The following RAB3IP variants were observed in gnomAD, a reference collection of about 807,000 sequenced individuals.
The protein encoded by RAB3IP is rab-3A-interacting protein.
In RAB3IP, 36 loss-of-function variants were observed where a neutral mutation model predicts 59.1. The ratio of observed to expected loss-of-function variants is 0.61; its 90% CI spans 0.47 to 0.80. The LOEUF (loss-of-function observed/expected upper bound fraction) is 0.80, where lower values mean the gene tolerates loss of function less well. RAB3IP is among the 30% of genes least tolerant of loss of function. The probability of loss-of-function intolerance (pLI) is 0.00; values close to 1 mark genes in which losing one functional copy is unlikely to be tolerated. For synonymous variants in RAB3IP, 207 were observed against 191.2 expected (o/e 1.08, Z -0.68); for missense variants, 511 against 536.0 (o/e 0.95, Z 0.46).
At chr12:69,771,863 G>A (rs1873177178) in intron 3 of RAB3IP, among the ~76,000 whole-genome samples, 1 of 152,114 alleles carries the variant, frequency 6.6e-6, no homozygotes, top group African/African-American at 2.4e-5. Context: ...ATACCTCATG[G>A]TGGTTTTGAT....
intron 4 of RAB3IP, among the ~76,000 whole-genome samples, chr12:69,791,046 G>T (rs972778532): frequency 8.5e-5 from 13 of 152,152 alleles, no homozygotes; most frequent in African/African-American, 3.1e-4. Context: ...ACACATTTTT[G>T]GTTAGCTGAC....
intron 8 of RAB3IP, among the ~76,000 whole-genome samples, chr12:69,803,994 A>G (rs1291298988): frequency 1.3e-5 from 2 of 152,192 alleles, no homozygotes; most frequent in Non-Finnish European, 2.9e-5. Context: ...CATGATTTAT[A>G]GTCCTTTGGG....
intron 3 of RAB3IP, among the ~76,000 whole-genome samples, chr12:69,758,423 T>A (rs1870573356): frequency 6.6e-6 from 1 of 152,218 alleles, no homozygotes; most frequent in Admixed American, 6.5e-5. Flanking sequence ...TAATTCTGTA[T>A]TTTTAAAACA....
Position 69,820,600 on chromosome 12 carries a change from T to G in RAB3IP, c.*5154T>G, listed in dbSNP as rs976688709. The G allele has an allele frequency of 4.0e-4, 60 of 149,316 alleles. 1 individual carries two copies. The highest frequency in any genetic ancestry group is 1.4e-3 in the African/African-American group (56 of 40,202). The allele number at this position is 149,316 out of a possible 1,614,324, so 9.2% of individuals were successfully genotyped here. ...CTGGCCAGGTGCGATGGCTCATGCC[T>G]GTAATCCCAGCACTTTGGGAGGCCG... On this transcript the variant is annotated 3_prime_UTR_variant, in exon 11 of 11. Coordinates refer to ENST00000247833, the MANE Select transcript of RAB3IP (RefSeq NM_022456.5).
chr12:69,806,962 C>T (rs1355671914), intron 8 of RAB3IP, among the ~76,000 whole-genome samples: 2 of 152,208 alleles, frequency 1.3e-5, no homozygotes, highest in Non-Finnish European at 2.9e-5. Context: ...AAAATGGAGT[C>T]TCCTATGTCT....
In RAB3IP at chr12:69,816,002, C is replaced by T. The variant is rs773247123; in HGVS notation, c.*556C>T. 1 of 152,598 alleles carries T rather than the reference C, an allele frequency of 6.6e-6. No individual in the cohort carries two copies. The highest frequency in any genetic ancestry group is 2.4e-5 in the African/African-American group (1 of 41,452). 9.5% of individuals were successfully genotyped at this position (152,598 alleles called of 1,614,324 possible). A position where few individuals can be genotyped will look rare whatever the true frequency, so the allele number is the denominator to read the frequency against. On this transcript the variant is annotated 3_prime_UTR_variant, in exon 11 of 11. Coordinates refer to ENST00000247833, the MANE Select transcript of RAB3IP (RefSeq NM_022456.5). ...ATTTTAATTATTCTGCTCTCTGTAA[C>T]TGAAAGAATCCCTTTATTTTGGTTA... is the stretch of plus-strand genomic sequence containing the variant.
At chr12:69,808,558 A>C (rs572142602) in intron 8 of RAB3IP, among the ~76,000 whole-genome samples, 5 of 152,272 alleles carry the variant, frequency 3.3e-5, no homozygotes, top group East Asian at 3.9e-4. Context: ...GTAGGTCACT[A>C]AGGACTTGCT....
intron 8 of RAB3IP, among the ~76,000 whole-genome samples, chr12:69,807,872 G>A (rs112614993): frequency 1.3e-3 from 202 of 150,232 alleles, no homozygotes; most frequent in African/African-American, 4.7e-3. Flanking sequence ...CAGACGGGGC[G>A]GCCGGGCGGA....
At chr12:69,788,628 T>G (rs1352904520) in intron 4 of RAB3IP, among the ~76,000 whole-genome samples, 1 of 152,062 alleles carries the variant, frequency 6.6e-6, no homozygotes, top group African/African-American at 2.4e-5. Context: ...AATACCACAG[T>G]CTCTCTAATG....
chr12:69,822,430 A>G lies in RAB3IP; in HGVS notation c.*6984A>G, dbSNP rs558926116. The G allele has an allele frequency of 8.5e-5, 13 of 152,054 alleles. No homozygotes were observed. Among genetic ancestry groups the G allele is most frequent in the South Asian group, 4.2e-4 (2 of 4,790 alleles). The allele number at this position is 152,054 out of a possible 1,614,324, so 9.4% of individuals were successfully genotyped here. A position where few individuals can be genotyped will look rare whatever the true frequency, so the allele number is the denominator to read the frequency against. The stretch of plus-strand genomic sequence containing the variant: ...ACACCCAAGCAGATAGAAACTGTCA[A>G]TAGATACACTTAGAATGAATATGCA... On this transcript the variant is annotated 3_prime_UTR_variant, in exon 11 of 11. Transcript: ENST00000247833.
At chr12:69,757,710 AT>A (rs35735087) in intron 3 of RAB3IP, among the ~76,000 whole-genome samples, 1 of 151,954 alleles carries the variant, frequency 6.6e-6, no homozygotes, top group African/African-American at 2.4e-5. Context: ...TAGTATATTC[AT>A]TTTTTTAATC....
intron 4 of RAB3IP, among the ~76,000 whole-genome samples, 184 bp from the exon 5 acceptor site, chr12:69,794,253 C>T (rs1317990578): frequency 2.6e-5 from 4 of 152,140 alleles, no homozygotes; most frequent in African/African-American, 9.7e-5. Flanking sequence ...AAAGAAGGCA[C>T]CTATTCCTAA....
intron 3 of RAB3IP, among the ~76,000 whole-genome samples, chr12:69,773,217 A>C (rs1873447773): frequency 6.6e-6 from 1 of 152,018 alleles, no homozygotes; most frequent in Admixed American, 6.6e-5. Flanking sequence ...TGCTGCTTTC[A>C]GAATCCCCTC....
At chr12:69,779,110 T>C (rs968643482) in intron 3 of RAB3IP, 2 of 120,478 alleles carry the variant, frequency 1.7e-5, no homozygotes, top group African/African-American at 6.3e-5. Context: ...TGGGATATAG[T>C]CTCGTGGTGC....
intron 1 of RAB3IP, among the ~76,000 whole-genome samples, chr12:69,744,384 A>G (rs1286610364): frequency 2.0e-5 from 3 of 152,168 alleles, no homozygotes; most frequent in African/African-American, 7.2e-5. Context: ...AACATAACAC[A>G]CTGCAATAAC....
Position 69,808,279 on chromosome 12 carries a change from T to A in RAB3IP, c.1131-4499T>A, listed in dbSNP as rs527560757. 3.9e-3 allele frequency among the ~76,000 whole-genome samples: 589 copies of A among 152,280 alleles called. 2 individuals carry two copies. Among genetic ancestry groups the A allele is most frequent in the Non-Finnish European group, 5.8e-3 (393 of 68,022 alleles). On this transcript the variant is annotated intron_variant, in intron 8 of 10. Coordinates refer to ENST00000247833, the MANE Select transcript of RAB3IP (RefSeq NM_022456.5). The stretch of plus-strand genomic sequence containing the variant: ...GACAGTTTGTTATAATTTCTGTTCT[T>A]TTACATTTGCTGAGGTGTGCTTTAC...
At chr12:69,796,550 G>C (rs563199896) in intron 6 of RAB3IP, 63 of 491,790 alleles carry the variant, frequency 1.3e-4, no homozygotes, top group African/African-American at 9.5e-4. Context: ...TTAAATTTTT[G>C]TATGGAAGCC....
At chr12:69,741,385 A>G (rs1417352520) in intron 1 of RAB3IP, among the ~76,000 whole-genome samples, 1 of 152,214 alleles carries the variant, frequency 6.6e-6, no homozygotes, top group Non-Finnish European at 1.5e-5. Flanking sequence ...GACTGCCCAA[A>G]ATGGAACGTA....
rs1305339747 is a variant in RAB3IP at position 69,816,609 on chromosome 12, T to C, written c.*1163T>C. 1.3e-5 allele frequency: 2 copies of C among 152,206 alleles called. No homozygotes were observed. Among genetic ancestry groups the C allele is most frequent in the African/African-American group, 4.8e-5 (2 of 41,460 alleles). The allele number at this position is 152,206 out of a possible 1,614,324, so 9.4% of individuals were successfully genotyped here. A position where few individuals can be genotyped will look rare whatever the true frequency, so the allele number is the denominator to read the frequency against. ...CAGTTTATTTTTCATATTATAATGC[T>C]GTGACGAGTATCCTTATCTGTACAC... On this transcript the variant is annotated 3_prime_UTR_variant, in exon 11 of 11. Transcript: ENST00000247833.
Sources: allele counts gnomAD v4.1 joint callset (sites outside exome capture counted in the v4.1 genomes callset), GRCh38; gene constraint gnomAD v4.1.1; transcripts MANE v1.5; gene names NCBI Gene and HGNC (gene_info 2026-07-23, HGNC 2026-07-21).